NLGN1: variants seen among roughly 807,000 people sequenced by gnomAD.
NLGN1 encodes the protein neuroligin 1.
A neutral mutation model predicts 65.5 loss-of-function variants in NLGN1; 12 were observed. That is an observed-to-expected ratio of 0.18 (90% CI 0.12 to 0.30). The LOEUF is 0.30. NLGN1 is among the 10% of genes least tolerant of loss of function. NLGN1 has a pLI of 1.00. For synonymous variants in NLGN1, 350 were observed against 359.5 expected, an observed-to-expected ratio of 0.97 and a Z score of 0.30; for missense variants, 750 against 1,007.1, an observed-to-expected ratio of 0.74 and a Z score of 3.46.
intron 4 of NLGN1, among the ~76,000 whole-genome samples, chr3:173,894,923 C>A (rs1018833013): frequency 5.5e-5 from 8 of 146,636 alleles, no homozygotes; most frequent in Admixed American, 5.4e-4. Context: ...AGGCATGAGC[C>A]CCCTCACTCG....
At chr3:173,554,812 G>A (rs1741451110) in intron 2 of NLGN1, among the ~76,000 whole-genome samples, 1 of 152,100 alleles carries the variant, frequency 6.6e-6, no homozygotes, top group Non-Finnish European at 1.5e-5. Flanking sequence ...CTCTCAAACT[G>A]TTTTTCATAA....
intron 4 of NLGN1, among the ~76,000 whole-genome samples, chr3:174,266,568 A>G (rs900761766): frequency 6.6e-6 from 1 of 152,156 alleles, no homozygotes; most frequent in Non-Finnish European, 1.5e-5. Flanking sequence ...CTTTGAGTAT[A>G]TACCCGGTAG....
chr3:173,561,405 G>C (rs531304781), intron 2 of NLGN1, among the ~76,000 whole-genome samples: 2 of 151,902 alleles, frequency 1.3e-5, no homozygotes, highest in African/African-American at 4.8e-5. Context: ...TCCAAATCTC[G>C]TAGCTTCCTA....
intron 4 of NLGN1, among the ~76,000 whole-genome samples, chr3:173,950,952 C>CGAG (rs1748090462): frequency 6.6e-6 from 1 of 151,634 alleles, no homozygotes; most frequent in African/African-American, 2.4e-5. Context: ...CTACAACCTC[C>CGAG]GTCTCCCGGG....
intron 3 of NLGN1, among the ~76,000 whole-genome samples, chr3:173,717,683 G>A (rs1770103311): frequency 1.3e-5 from 2 of 152,128 alleles, no homozygotes; most frequent in Non-Finnish European, 2.9e-5. Context: ...ATAAGAGTGA[G>A]TAATGCTTTC....
At chr3:173,435,118 T>A (rs541199767) in intron 2 of NLGN1, 1 of 152,746 alleles carries the variant, frequency 6.5e-6, no homozygotes, top group Admixed American at 6.5e-5. Flanking sequence ...ATCACTGAAG[T>A]GTTAGAAAAG....
intron 4 of NLGN1, among the ~76,000 whole-genome samples, chr3:173,864,231 A>C (rs561727056): frequency 9.8e-5 from 15 of 152,336 alleles, no homozygotes; most frequent in Admixed American, 5.2e-4. Context: ...CCATTTTAGA[A>C]ATGAGATATA....
At chr3:173,632,849 G>GTTTTTTTTTTTTTTTT (rs5854526) in intron 3 of NLGN1, among the ~76,000 whole-genome samples, 4 of 116,404 alleles carry the variant, frequency 3.4e-5, no homozygotes, top group Non-Finnish European at 1.8e-5. Flanking sequence ...TTTTTTTTTT[G>GTTTTTTTTTTTTTTTT]TTTTTTTTTT....
intron 4 of NLGN1, among the ~76,000 whole-genome samples, chr3:173,881,725 A>G (rs940580942): frequency 1.3e-5 from 2 of 151,932 alleles, no homozygotes; most frequent in African/African-American, 4.8e-5. Context: ...TTCTTGTTCT[A>G]TTTCCATCAC....
intron 4 of NLGN1, among the ~76,000 whole-genome samples, chr3:173,821,904 A>C (rs1429681600): frequency 6.6e-6 from 1 of 152,190 alleles, no homozygotes; most frequent in Non-Finnish European, 1.5e-5. Flanking sequence ...ATATACAATA[A>C]CATTATGTTG....
intron 3 of NLGN1, among the ~76,000 whole-genome samples, chr3:173,715,662 G>A (rs1769730451): frequency 6.6e-6 from 1 of 152,030 alleles, no homozygotes; most frequent in Non-Finnish European, 1.5e-5. Context: ...TATGCTAGCT[G>A]ATATCACAAT....
chr3:173,602,298 G>A (rs1750673159), intron 2 of NLGN1, among the ~76,000 whole-genome samples: 1 of 151,934 alleles, frequency 6.6e-6, no homozygotes, highest in South Asian at 2.1e-4. Context: ...TTAAATTTTA[G>A]TACTTTAAAT....
chr3:173,667,043 A>G (rs1761799905), intron 3 of NLGN1, among the ~76,000 whole-genome samples: 1 of 152,242 alleles, frequency 6.6e-6, no homozygotes, highest in East Asian at 1.9e-4. Flanking sequence ...TGTACTTTAC[A>G]TATATTTCAT....
At chr3:174,231,167 A>T (rs1740631425) in intron 4 of NLGN1, among the ~76,000 whole-genome samples, 1 of 152,202 alleles carries the variant, frequency 6.6e-6, no homozygotes, top group African/African-American at 2.4e-5. Flanking sequence ...TTTCTCAGTT[A>T]TAATTTTTAG....
chr3:174,107,017 C>CACAGAGAGAGAGAG (rs773314392), intron 4 of NLGN1, among the ~76,000 whole-genome samples: 8 of 97,644 alleles, frequency 8.2e-5, no homozygotes, highest in African/African-American at 2.9e-4. Flanking sequence ...CACACACACA[C>CACAGAGAGAGAGAG]AGAGAGAGAG....
intron 2 of NLGN1, among the ~76,000 whole-genome samples, chr3:173,568,107 A>T (rs1024243172): frequency 6.6e-6 from 1 of 152,068 alleles, no homozygotes; most frequent in Non-Finnish European, 1.5e-5. Context: ...ACAACACTTA[A>T]AATCTACTCT....
At chr3:173,682,845 T>C (rs1764139956) in intron 3 of NLGN1, among the ~76,000 whole-genome samples, 1 of 152,138 alleles carries the variant, frequency 6.6e-6, no homozygotes, top group South Asian at 2.1e-4. Context: ...AATTATATAC[T>C]AGCAAATCAT....
chr3:173,623,782 T>C (rs1754391934), intron 3 of NLGN1, among the ~76,000 whole-genome samples: 1 of 152,086 alleles, frequency 6.6e-6, no homozygotes, highest in Non-Finnish European at 1.5e-5. Context: ...TTGGCAGTTG[T>C]CTTTGGTTAG....
intron 4 of NLGN1, among the ~76,000 whole-genome samples, chr3:174,153,930 T>C (rs1724866384): frequency 1.3e-5 from 2 of 152,116 alleles, no homozygotes; most frequent in Non-Finnish European, 2.9e-5. Flanking sequence ...TTCCAAACAC[T>C]AGCCAATTCA....
Sources: allele counts gnomAD v4.1 joint callset (sites outside exome capture counted in the v4.1 genomes callset), GRCh38; gene constraint gnomAD v4.1.1; transcripts MANE v1.5; gene names NCBI Gene and HGNC (gene_info 2026-07-23, HGNC 2026-07-21).